DENND5B: variants seen among roughly 807,000 people sequenced by gnomAD.
DENND5B encodes DENN domain-containing protein 5B.
A neutral mutation model predicts 140.6 loss-of-function variants in DENND5B; 34 were observed. The observed-to-expected ratio is 0.24, with a 90% confidence interval of 0.18 to 0.32. DENND5B has a LOEUF of 0.32. Ranked by LOEUF, DENND5B falls within the 10% of genes least tolerant of loss-of-function variation. The pLI is 1.00. For synonymous variants in DENND5B, 551 were observed against 562.1 expected, an observed-to-expected ratio of 0.98 and a Z score of 0.28; for missense variants, 1,142 against 1,560.2, an observed-to-expected ratio of 0.73 and a Z score of 4.52.
intron 8 of DENND5B, among the ~76,000 whole-genome samples, chr12:31,430,504 A>AG (rs1346070372): frequency 2.1e-5 from 3 of 144,268 alleles, no homozygotes; most frequent in Non-Finnish European, 3.1e-5. Context: ...ATACAAAAAA[A>AG]AAAAAAAAAA....
chr12:31,402,404 T>G (rs1293185418), intron 15 of DENND5B, 94 bp downstream of exon 15: 2 of 1,447,510 alleles, frequency 1.4e-6, no homozygotes, highest in Non-Finnish European at 1.9e-6. Flanking sequence ...TCCTCTATTT[T>G]ATTTGATTCA....
At chr12:31,451,825 CA>C in intron 5 of DENND5B, 114 bp downstream of exon 5, 1 of 1,296,330 alleles carries the variant, frequency 7.7e-7, no homozygotes, top group Non-Finnish European at 1.0e-6. Context: ...AAAAGGTTAA[CA>C]AAATCAATAA....
intron 1 of DENND5B, among the ~76,000 whole-genome samples, chr12:31,575,514 T>C (rs1949979587): frequency 6.6e-6 from 1 of 152,222 alleles, no homozygotes; most frequent in Non-Finnish European, 1.5e-5. Context: ...AAAAAATTGA[T>C]ATAAATTTAA....
intron 2 of DENND5B, among the ~76,000 whole-genome samples, 156 bp downstream of exon 2, chr12:31,495,654 G>A (rs1032702213): frequency 6.6e-6 from 1 of 152,038 alleles, no homozygotes; most frequent in Non-Finnish European, 1.5e-5. Context: ...GGGATTACAG[G>A]TGTGAGCCAC....
intron 3 of DENND5B, among the ~76,000 whole-genome samples, chr12:31,478,425 T>C (rs565374938): frequency 5.9e-5 from 9 of 152,306 alleles, no homozygotes; most frequent in Admixed American, 3.3e-4. Flanking sequence ...CTAACCCCAG[T>C]TGGGTGCAAT....
chr12:31,540,105 G>T (rs1259439), intron 1 of DENND5B, among the ~76,000 whole-genome samples: 2,295 of 152,018 alleles, frequency 0.015, 65 homozygotes, highest in African/African-American at 0.053. Flanking sequence ...AAGAAATCAA[G>T]AAAGTAATCC....
chr12:31,521,103 CT>C (rs1178531393), intron 1 of DENND5B, among the ~76,000 whole-genome samples: 940 of 139,072 alleles, frequency 6.8e-3, no homozygotes, highest in African/African-American at 7.6e-3. Context: ...TAAAGTTGGT[CT>C]TTTTTTTTTT....
At chr12:31,463,163 G>A (rs1202553220) in intron 3 of DENND5B, among the ~76,000 whole-genome samples, 1 of 152,040 alleles carries the variant, frequency 6.6e-6, no homozygotes, top group African/African-American at 2.4e-5. Flanking sequence ...GGAGGCTGAG[G>A]TACAAGAATC....
intron 1 of DENND5B, among the ~76,000 whole-genome samples, chr12:31,582,300 T>C (rs1356147898): frequency 6.6e-6 from 1 of 152,234 alleles, no homozygotes; most frequent in Non-Finnish European, 1.5e-5. Context: ...ACGAGAACAC[T>C]GATGCCTGCG....
intron 1 of DENND5B, among the ~76,000 whole-genome samples, chr12:31,578,601 A>G (rs142159497): frequency 5.1e-4 from 78 of 152,340 alleles, no homozygotes; most frequent in Non-Finnish European, 8.7e-4. Flanking sequence ...AATAAAAATA[A>G]TATCATTAGA....
At chr12:31,481,554 A>G (rs539945118) in intron 2 of DENND5B, among the ~76,000 whole-genome samples, 1 of 152,366 alleles carries the variant, frequency 6.6e-6, no homozygotes, top group Admixed American at 6.5e-5. Flanking sequence ...CCCAACTGAA[A>G]CCTCAGGACG....
chr12:31,557,858 T>C (rs1401378667), intron 1 of DENND5B, among the ~76,000 whole-genome samples: 2 of 149,212 alleles, frequency 1.3e-5, no homozygotes, highest in Non-Finnish European at 3.0e-5. Context: ...TGCTCACCAC[T>C]TTAGCCACAT....
At chr12:31,533,120 T>A (rs1948346462) in intron 1 of DENND5B, among the ~76,000 whole-genome samples, 1 of 152,236 alleles carries the variant, frequency 6.6e-6, no homozygotes, top group Non-Finnish European at 1.5e-5. Flanking sequence ...TAAGCTCACA[T>A]TAAATATTGT....
intron 1 of DENND5B, among the ~76,000 whole-genome samples, chr12:31,524,730 A>G (rs1948026254): frequency 2.0e-5 from 3 of 148,104 alleles, no homozygotes; most frequent in South Asian, 2.2e-4. Context: ...AAAAAAAAAG[A>G]AATTTGAGCA....
intron 1 of DENND5B, among the ~76,000 whole-genome samples, chr12:31,517,933 T>C (rs1238613851): frequency 6.6e-6 from 1 of 152,250 alleles, no homozygotes; most frequent in Non-Finnish European, 1.5e-5. Context: ...CCTGCAGCTA[T>C]GTACTCTTGC....
At chr12:31,418,269 CTTT>C (rs1349965318) in intron 11 of DENND5B, among the ~76,000 whole-genome samples, 29 of 122,744 alleles carry the variant, frequency 2.4e-4, no homozygotes, top group African/African-American at 8.3e-4. Context: ...GAAAGCATAT[CTTT>C]TTTTCTTTTC....
At chr12:31,511,267 A>G (rs1486102070) in intron 1 of DENND5B, among the ~76,000 whole-genome samples, 1 of 152,148 alleles carries the variant, frequency 6.6e-6, no homozygotes, top group Non-Finnish European at 1.5e-5. Context: ...TATTCAGAAG[A>G]GACCTCCTGG....
chr12:31,408,400 G>C (rs939936775), intron 14 of DENND5B, among the ~76,000 whole-genome samples: 1 of 148,720 alleles, frequency 6.7e-6, no homozygotes, highest in Non-Finnish European at 1.5e-5. Context: ...GCTGAGGCAG[G>C]TGGGTCACTT....
chr12:31,549,816 GTGTTAGTTTGCTGAGGATAATGGC>G (rs1174714596), intron 1 of DENND5B, among the ~76,000 whole-genome samples: 3 of 152,046 alleles, frequency 2.0e-5, no homozygotes, highest in Non-Finnish European at 2.9e-5. Flanking sequence ...TTCTGCTCCT[GTGTTAGTTTGCTGAGGATAATGGC>G]TCCCAGGTCC....
Sources: gnomAD v4.1 joint callset for allele counts (sites outside exome capture counted in the v4.1 genomes callset) on GRCh38, gnomAD v4.1.1 for gene constraint, MANE v1.5 for transcripts, NCBI Gene and HGNC (gene_info 2026-07-23, HGNC 2026-07-21) for gene names.